LRP1B: variants seen among roughly 807,000 people sequenced by gnomAD.
The protein encoded by LRP1B is LDL receptor related protein 1B.
Under a neutral mutation model 556.6 loss-of-function variants are expected in LRP1B, and 217 were observed. The ratio of observed to expected loss-of-function variants is 0.39; its 90% CI spans 0.35 to 0.44. The LOEUF (loss-of-function observed/expected upper bound fraction) is 0.44, where lower values mean the gene tolerates loss of function less well. LRP1B is among the 20% of genes least tolerant of loss of function. The probability of loss-of-function intolerance (pLI) is 1.00; values close to 1 mark genes in which losing one functional copy is unlikely to be tolerated. For missense variants in LRP1B, 5,053 were observed against 5,620.8 expected (o/e 0.90, Z 3.23); for synonymous variants, 2,047 against 1,865.8 (o/e 1.10, Z -2.50).
intron 68 of LRP1B, among the ~76,000 whole-genome samples, chr2:140,374,623 A>G (rs1456281825): frequency 6.6e-6 from 1 of 152,212 alleles, no homozygotes; most frequent in African/African-American, 2.4e-5. Context: ...TGCCGGGGAC[A>G]TAGTAAACAT....
chr2:141,497,805 A>G (rs905495490), intron 2 of LRP1B, among the ~76,000 whole-genome samples: 3 of 152,096 alleles, frequency 2.0e-5, no homozygotes, highest in Non-Finnish European at 4.4e-5. Flanking sequence ...ATGGGCAATG[A>G]AAAATTACAT....
chr2:140,714,952 A>G (rs16844595), intron 37 of LRP1B, among the ~76,000 whole-genome samples: 3,282 of 152,284 alleles, frequency 0.022, 103 homozygotes, highest in African/African-American at 0.073. Flanking sequence ...CCATACAACA[A>G]TCTAAACTAT....
At chr2:141,594,307 G>A (rs1687440459) in intron 2 of LRP1B, among the ~76,000 whole-genome samples, 1 of 152,088 alleles carries the variant, frequency 6.6e-6, no homozygotes, top group Non-Finnish European at 1.5e-5. Context: ...CTAAGCTAAG[G>A]TGCAGAAAGA....
At chr2:140,670,088 A>G (rs17203319) in intron 41 of LRP1B, among the ~76,000 whole-genome samples, 4,463 of 152,278 alleles carry the variant, frequency 0.029, 97 homozygotes, top group South Asian at 0.046. Flanking sequence ...ATGTTTCCCA[A>G]TGGGAATTAA....
chr2:141,676,058 A>G (rs749707975), intron 2 of LRP1B, among the ~76,000 whole-genome samples: 4 of 152,112 alleles, frequency 2.6e-5, no homozygotes, highest in African/African-American at 4.8e-5. Context: ...GTTAAAGATG[A>G]TGTTTCCACC....
At chr2:140,971,075 G>T (rs1696407214) in intron 18 of LRP1B, among the ~76,000 whole-genome samples, 1 of 152,096 alleles carries the variant, frequency 6.6e-6, no homozygotes, top group Non-Finnish European at 1.5e-5. Flanking sequence ...TTGAAACAAT[G>T]ATGACATTTT....
chr2:140,928,353 C>T (rs1264727899), intron 20 of LRP1B, among the ~76,000 whole-genome samples: 1 of 152,114 alleles, frequency 6.6e-6, no homozygotes, highest in Non-Finnish European at 1.5e-5. Flanking sequence ...ATCGCTGCAT[C>T]TTACACACAT....
chr2:141,767,775 A>G (rs545500189), intron 2 of LRP1B, among the ~76,000 whole-genome samples: 3 of 152,240 alleles, frequency 2.0e-5, no homozygotes, highest in African/African-American at 7.2e-5. Flanking sequence ...AGTTCAATCC[A>G]CAGGAGCAAG....
rs1043666425 is a variant in LRP1B, at chr2:140,590,205, C to A, written c.7194+8426G>T. ...CACTTATAATTTCACAACCTAAAGGCTTCTATTAACAATTTTGGGAATTTT... is the reference window on the plus strand; with the variant it reads ...CACTTATAATTTCACAACCTAAAGGATTCTATTAACAATTTTGGGAATTTT... On this transcript the variant is annotated intron_variant, in intron 43 of 90. Coordinates refer to ENST00000389484, the MANE Select transcript of LRP1B (RefSeq NM_018557.3). 1.0e-4 allele frequency among the ~76,000 whole-genome samples: 15 copies of A among 147,508 alleles called. No homozygotes were observed. In the East Asian group the frequency reaches 2.7e-3, roughly 27 times the overall value.
chr2:141,719,186 G>A (rs1692729177), intron 2 of LRP1B, among the ~76,000 whole-genome samples: 1 of 152,094 alleles, frequency 6.6e-6, no homozygotes, highest in South Asian at 2.1e-4. Context: ...GGTGTAATTG[G>A]AAGAGTTGTA....
rs562290556 is a variant in LRP1B, at chr2:140,708,639, T to G, written c.6024-6086A>C. 2.1e-4 allele frequency among the ~76,000 whole-genome samples: 32 copies of G among 151,918 alleles called. No homozygotes were observed. In the South Asian group the frequency reaches 6.4e-3, roughly 30 times the overall value. On this transcript the variant is annotated intron_variant, in intron 37 of 90. Coordinates refer to ENST00000389484, the MANE Select transcript of LRP1B (RefSeq NM_018557.3). ...CCCATCCTCTCACTTAAACAAACAC[T>G]TAACATATACATGTACATATATATA... is the stretch of plus-strand genomic sequence containing the variant.
At chr2:140,773,755 T>C (rs576036760) in intron 33 of LRP1B, among the ~76,000 whole-genome samples, 1 of 151,782 alleles carries the variant, frequency 6.6e-6, no homozygotes, top group Admixed American at 6.6e-5. Context: ...AAATTAATAG[T>C]GAAGGAGAGA....
At chr2:140,490,223 G>A (rs371788480) in intron 57 of LRP1B, among the ~76,000 whole-genome samples, 1 of 151,980 alleles carries the variant, frequency 6.6e-6, no homozygotes, top group African/African-American at 2.4e-5. Flanking sequence ...CAATTTTACT[G>A]GAATAAAGAC....
In LRP1B at chr2:141,514,132, T is replaced by C. The variant is rs369124230; in HGVS notation, c.206-33599A>G. Among the ~76,000 whole-genome samples the C allele has an allele frequency of 2.7e-3, 417 of 152,170 alleles. 1 individual carries two copies. The highest frequency in any genetic ancestry group is 4.5e-3 in the Non-Finnish European group (306 of 68,010). On this transcript the variant is annotated intron_variant, in intron 2 of 90. Transcript: ENST00000389484. ...ATGGGACAGCTATATATAACCTACTTGACTTGCTCCACTGACCCCCTCAAC... is the reference window on the plus strand; with the variant it reads ...ATGGGACAGCTATATATAACCTACTCGACTTGCTCCACTGACCCCCTCAAC...
intron 2 of LRP1B, among the ~76,000 whole-genome samples, chr2:141,635,998 A>C (rs1441558292): frequency 6.6e-6 from 1 of 152,086 alleles, no homozygotes; most frequent in Non-Finnish European, 1.5e-5. Flanking sequence ...CCAGCAACAC[A>C]TTCCTGCTGA....
chr2:141,098,953 A>G (rs1700392720), intron 7 of LRP1B, among the ~76,000 whole-genome samples: 2 of 152,210 alleles, frequency 1.3e-5, no homozygotes, highest in African/African-American at 4.8e-5. Flanking sequence ...TTTAATAGCC[A>G]TTAAAATGTC....
intron 60 of LRP1B, among the ~76,000 whole-genome samples, chr2:140,469,203 G>A (rs577375354): frequency 1.3e-5 from 2 of 152,186 alleles, no homozygotes; most frequent in Admixed American, 6.5e-5. Context: ...ACTAAGAGGC[G>A]GGCCTTTGGG....
intron 7 of LRP1B, among the ~76,000 whole-genome samples, chr2:141,168,624 C>T (rs1443607400): frequency 6.6e-6 from 1 of 151,980 alleles, no homozygotes; most frequent in Non-Finnish European, 1.5e-5. Context: ...ATGTTTTGCT[C>T]CAAAATAGCA....
At chr2:140,695,546 TCTC>T (rs1686401102) in intron 41 of LRP1B, among the ~76,000 whole-genome samples, 1 of 152,212 alleles carries the variant, frequency 6.6e-6, no homozygotes, top group South Asian at 2.1e-4. Flanking sequence ...TCAGTCATTT[TCTC>T]TGCTTTGTAT....
Sources: allele counts gnomAD v4.1 joint callset (sites outside exome capture counted in the v4.1 genomes callset), GRCh38; gene constraint gnomAD v4.1.1; transcripts MANE v1.5; gene names NCBI Gene and HGNC (gene_info 2026-07-23, HGNC 2026-07-21).